The following TNNI3K variants were observed in gnomAD, a reference collection of about 807,000 sequenced individuals.
The protein encoded by TNNI3K is serine/threonine-protein kinase TNNI3K.
In TNNI3K, 140 loss-of-function variants were observed where a neutral mutation model predicts 114.5. That is an observed-to-expected ratio of 1.22 (90% CI 1.07 to 1.41). TNNI3K has a LOEUF of 1.41. Among genes scored for constraint, TNNI3K ranks in the 40% most tolerant of loss-of-function variants. The pLI, the probability that TNNI3K is intolerant of heterozygous loss-of-function variation, is 0.00. For synonymous variants in TNNI3K, 347 were observed against 347.5 expected (o/e 1.00, Z 0.02); for missense variants, 1,125 against 1,007.6 (o/e 1.12, Z -1.58).
chr1:74,241,511 T>C (rs1160860662), intron 2 of TNNI3K, among the ~76,000 whole-genome samples: 1 of 152,228 alleles, frequency 6.6e-6, no homozygotes, highest in Non-Finnish European at 1.5e-5. Context: ...GGTTTTGATT[T>C]GCATTTCTCT....
chr1:74,446,708 G>A (rs1011985779), intron 20 of TNNI3K, among the ~76,000 whole-genome samples: 7 of 144,260 alleles, frequency 4.9e-5, no homozygotes, highest in Admixed American at 2.1e-4. Context: ...ATCTTGAATT[G>A]ATTTTTGTAT....
intron 20 of TNNI3K, among the ~76,000 whole-genome samples, chr1:74,449,371 T>C (rs866263121): frequency 1.5e-4 from 23 of 151,832 alleles, no homozygotes; most frequent in Middle Eastern, 3.4e-3. Flanking sequence ...TTTATTAGTC[T>C]TGCTAGCGGT....
chr1:74,465,311 C>T (rs897435357), intron 21 of TNNI3K, among the ~76,000 whole-genome samples: 15 of 152,196 alleles, frequency 9.9e-5, no homozygotes, highest in Non-Finnish European at 1.6e-4. Flanking sequence ...AGCTGGCGCT[C>T]GGGTGCCAGC....
intron 3 of TNNI3K, among the ~76,000 whole-genome samples, chr1:74,250,158 G>A (rs1339967908): frequency 6.6e-6 from 1 of 152,168 alleles, no homozygotes; most frequent in Non-Finnish European, 1.5e-5. Flanking sequence ...GAACAGAAAT[G>A]TGTAAGTGTC....
chr1:74,385,282 G>A (rs1663415603), intron 17 of TNNI3K, among the ~76,000 whole-genome samples: 1 of 152,144 alleles, frequency 6.6e-6, no homozygotes, highest in African/African-American at 2.4e-5. Context: ...TTTTTGGGGT[G>A]ACAGAAATAT....
intron 23 of TNNI3K, among the ~76,000 whole-genome samples, chr1:74,528,666 A>G (rs1646539939): frequency 6.6e-6 from 1 of 152,166 alleles, no homozygotes; most frequent in Non-Finnish European, 1.5e-5. Flanking sequence ...GGAACTGGAG[A>G]TGTTGCTGGA....
At chr1:74,237,053 T>C (rs539534) in intron 2 of TNNI3K, among the ~76,000 whole-genome samples, 94,378 of 151,830 alleles carry the variant, frequency 0.62, 30,527 homozygotes, top group African/African-American at 0.8. Flanking sequence ...ATCTTTAAAA[T>C]AAAATTTTAG....
chr1:74,247,357 C>G (rs1396932500), intron 2 of TNNI3K, among the ~76,000 whole-genome samples: 1 of 152,182 alleles, frequency 6.6e-6, no homozygotes, highest in Non-Finnish European at 1.5e-5. Context: ...AGGAGTGAAG[C>G]TGCAGGCCTT....
intron 5 of TNNI3K, among the ~76,000 whole-genome samples, chr1:74,288,838 A>G (rs1657487910): frequency 1.3e-5 from 2 of 152,104 alleles, no homozygotes; most frequent in Non-Finnish European, 1.5e-5. Flanking sequence ...TAATCACTTC[A>G]CAATGTATAT....
chr1:74,338,848 A>G (rs12058448), intron 7 of TNNI3K, among the ~76,000 whole-genome samples: 5,944 of 152,176 alleles, frequency 0.039, 398 homozygotes, highest in African/African-American at 0.14. Flanking sequence ...GCTACTTTAG[A>G]GCATTATTAT....
intron 22 of TNNI3K, 53 bp from the exon 23 acceptor site, chr1:74,492,044 C>A (rs1570694998): frequency 2.1e-6 from 3 of 1,414,766 alleles, no homozygotes; most frequent in East Asian, 4.8e-5. Context: ...TATGTTATGT[C>A]TTCACACCTG....
At chr1:74,402,665 C>CT (rs1464399010) in intron 17 of TNNI3K, among the ~76,000 whole-genome samples, 1 of 152,176 alleles carries the variant, frequency 6.6e-6, no homozygotes, top group Non-Finnish European at 1.5e-5. Context: ...CACTTCTGAA[C>CT]TATTCAGGTT....
intron 24 of TNNI3K, 129 bp downstream of exon 24, chr1:74,540,442 G>T (rs1646713082): frequency 5.7e-6 from 5 of 881,684 alleles, no homozygotes. Flanking sequence ...AAATATAAAA[G>T]TATAAAATTT....
intron 5 of TNNI3K, among the ~76,000 whole-genome samples, chr1:74,296,190 G>A (rs565744019): frequency 6.6e-6 from 1 of 151,902 alleles, no homozygotes; most frequent in Non-Finnish European, 1.5e-5. Flanking sequence ...GCAGGAGAAT[G>A]GTGTGAACCT....
rs1462590720 is a variant in TNNI3K, at chr1:74,451,697, T to A, written c.2012-11744T>A. Among the ~76,000 whole-genome samples the A allele has an allele frequency of 3.8e-3, 231 of 60,738 alleles. 4 individuals carry two copies. Among genetic ancestry groups the A allele is most frequent in the African/African-American group, 0.015 (212 of 14,180 alleles). The allele number at this position is 60,738 out of a possible 152,430, so 39.8% of individuals were successfully genotyped here. Reference sequence around the variant, plus strand: ...CTTTTCTTTTCTTTTCTTTCTTTCTTTCTTTCTTTCTTTCTTTCTTTCTTT... The same window carrying A: ...CTTTTCTTTTCTTTTCTTTCTTTCTATCTTTCTTTCTTTCTTTCTTTCTTT... On this transcript the variant is annotated intron_variant, in intron 20 of 24. Coordinates refer to ENST00000326637, the MANE Select transcript of TNNI3K (RefSeq NM_015978.3).
chr1:74,494,805 GA>G (rs1372786270), intron 23 of TNNI3K, among the ~76,000 whole-genome samples: 5 of 152,174 alleles, frequency 3.3e-5, no homozygotes, highest in Non-Finnish European at 7.3e-5. Flanking sequence ...TTGTTTTAAG[GA>G]GAGGTACTAT....
chr1:74,310,277 T>TG (rs1658908866), intron 5 of TNNI3K, among the ~76,000 whole-genome samples: 1 of 152,122 alleles, frequency 6.6e-6, no homozygotes, highest in Non-Finnish European at 1.5e-5. Context: ...AGGTGAAAGA[T>TG]ATCTACAAGG....
At chr1:74,463,215 T>A (rs1667523906) in intron 20 of TNNI3K, among the ~76,000 whole-genome samples, 1 of 152,220 alleles carries the variant, frequency 6.6e-6, no homozygotes, top group South Asian at 2.1e-4. Flanking sequence ...AAATGCCCTG[T>A]ACTATTTATT....
intron 20 of TNNI3K, among the ~76,000 whole-genome samples, chr1:74,456,207 T>G (rs1667217095): frequency 2.0e-5 from 3 of 152,162 alleles, no homozygotes; most frequent in African/African-American, 7.2e-5. Flanking sequence ...TTAATAGGAC[T>G]TCTGAATGGA....
Sources: gnomAD v4.1 joint callset for allele counts (sites outside exome capture counted in the v4.1 genomes callset) on GRCh38, gnomAD v4.1.1 for gene constraint, MANE v1.5 for transcripts, NCBI Gene and HGNC (gene_info 2026-07-23, HGNC 2026-07-21) for gene names.